Variants in HMGA2 observed in about 807,000 individuals in gnomAD.
HMGA2 encodes high mobility group AT-hook 2, also known as high mobility group protein HMGI-C.
In HMGA2, 8 loss-of-function variants were observed where a neutral mutation model predicts 19.1. The ratio of observed to expected loss-of-function variants is 0.42; its 90% CI spans 0.25 to 0.76. The LOEUF is 0.76. Among genes scored for constraint, HMGA2 ranks in the 30% least tolerant of loss-of-function variants. HMGA2 has a pLI of 0.28. For synonymous variants in HMGA2, 60 were observed against 48.8 expected, an observed-to-expected ratio of 1.23 and a Z score of -0.96; for missense variants, 109 against 136.3, an observed-to-expected ratio of 0.80 and a Z score of 1.00.
intron 3 of HMGA2, among the ~76,000 whole-genome samples, chr12:65,861,422 C>G (rs948873792): frequency 2.0e-5 from 3 of 152,090 alleles, no homozygotes; most frequent in African/African-American, 7.2e-5. Context: ...ACAATACATG[C>G]TATTGTATTG....
intron 3 of HMGA2, among the ~76,000 whole-genome samples, chr12:65,923,386 G>A (rs946966210): frequency 1.3e-5 from 2 of 152,186 alleles, no homozygotes; most frequent in Non-Finnish European, 2.9e-5. Flanking sequence ...GAATGAGGAA[G>A]TGGAATGTTT....
chr12:65,859,127 G>GA (rs1871908343), intron 3 of HMGA2: 1 of 152,228 alleles, frequency 6.6e-6, no homozygotes, highest in Admixed American at 6.5e-5. Flanking sequence ...GAAGAAATAG[G>GA]AATCAACCTA....
At chr12:65,937,446 T>C (rs926418985) in intron 3 of HMGA2, among the ~76,000 whole-genome samples, 2 of 152,216 alleles carry the variant, frequency 1.3e-5, no homozygotes, top group African/African-American at 2.4e-5. Flanking sequence ...AGAACTGCAG[T>C]TGACTCCCAT....
At chr12:65,864,845 T>A (rs1872305622) in intron 3 of HMGA2, among the ~76,000 whole-genome samples, 1 of 152,218 alleles carries the variant, frequency 6.6e-6, no homozygotes, top group South Asian at 2.1e-4. Flanking sequence ...CAGCTCTTTT[T>A]CATATTAGTG....
chr12:65,835,999 A>G (rs951450917), intron 2 of HMGA2, among the ~76,000 whole-genome samples: 1 of 152,230 alleles, frequency 6.6e-6, no homozygotes, highest in African/African-American at 2.4e-5. Context: ...CTCACTATGC[A>G]ATAGCCAAAG....
chr12:65,888,865 G>A (rs571287053), intron 3 of HMGA2, among the ~76,000 whole-genome samples: 153 of 151,928 alleles, frequency 1.0e-3, no homozygotes, highest in South Asian at 3.7e-3. Flanking sequence ...GCCCGGCCCC[G>A]TGGTGTGCTA....
At position 65,824,723 on chromosome 12, in the gene HMGA2, C is replaced by CTCTG. The variant is rs1337053126; in HGVS notation, c.-545_-544insGTCT. 65 of 128,126 alleles carry CTCTG rather than the reference C, an allele frequency of 5.1e-4. 1 individual carries two copies. The highest frequency in any genetic ancestry group is 2.2e-3 in the African/African-American group (59 of 26,228). The allele number at this position is 128,126 out of a possible 1,614,324, so 7.9% of individuals were successfully genotyped here. On this transcript the variant is annotated 5_prime_UTR_variant, in exon 1 of 5. Transcript: ENST00000403681. ...TTCAATCTCAATCTCTTCTCTCTCT[C>CTCTG]TCTCTCTCTCTCTCTCTCTCTCTCT... is the stretch of plus-strand genomic sequence containing the variant.
At chr12:65,926,028 C>A (rs937775503) in intron 3 of HMGA2, among the ~76,000 whole-genome samples, 57 of 152,308 alleles carry the variant, frequency 3.7e-4, no homozygotes, top group African/African-American at 1.3e-3. Context: ...ATATTACCAG[C>A]TCCCAGGGAT....
At chr12:65,942,797 T>C (rs1407472697) in intron 3 of HMGA2, 1 of 152,186 alleles carries the variant, frequency 6.6e-6, no homozygotes, top group Non-Finnish European at 1.5e-5. Flanking sequence ...AAACCACATC[T>C]TTTGCTTTCT....
intron 3 of HMGA2, chr12:65,948,295 C>A (rs923805567): frequency 2.6e-5 from 4 of 152,192 alleles, no homozygotes; most frequent in African/African-American, 9.7e-5. Context: ...TAATATGTAT[C>A]ATTGATGTTA....
chr12:65,950,201 C>T (rs1254426366), intron 3 of HMGA2, among the ~76,000 whole-genome samples: 1 of 152,188 alleles, frequency 6.6e-6, no homozygotes, highest in Non-Finnish European at 1.5e-5. Context: ...CGATTCCACT[C>T]CCAGGTACAT....
At chr12:65,960,169 G>A (rs371331151) in intron 4 of HMGA2, among the ~76,000 whole-genome samples, 6 of 152,184 alleles carry the variant, frequency 3.9e-5, no homozygotes, top group Non-Finnish European at 7.3e-5. Context: ...GATTACAGGC[G>A]TAAGCCACCA....
At chr12:65,833,349 G>T (rs1369308777) in intron 2 of HMGA2, among the ~76,000 whole-genome samples, 2 of 151,562 alleles carry the variant, frequency 1.3e-5, no homozygotes, top group African/African-American at 2.4e-5. Flanking sequence ...TGGATAGTGG[G>T]CTTCATGCAA....
chr12:65,831,893 A>T lies in HMGA2; in HGVS notation c.198+3806A>T, dbSNP rs141332255. On this transcript the variant is annotated intron_variant, in intron 2 of 4. Transcript: ENST00000403681. ...ATTAAAAGGAGAAACCAAAGACATT[A>T]TTATTGGTGAGTTAAGGAAAGGTAA... Among the ~76,000 whole-genome samples the T allele has an allele frequency of 7.5e-3, 1,139 of 152,060 alleles. 5 individuals are homozygous for T. The highest frequency in any genetic ancestry group is 0.014 in the Middle Eastern group (4 of 294).
chr12:65,841,683 A>G (rs1389566841), intron 3 of HMGA2, among the ~76,000 whole-genome samples: 1 of 152,206 alleles, frequency 6.6e-6, no homozygotes, highest in Non-Finnish European at 1.5e-5. Context: ...CATTAGGTAT[A>G]TGGGTTAGAA....
Position 65,825,202 on chromosome 12 carries a change from G to A in HMGA2, c.-69G>A, listed in dbSNP as rs1870085823. 6 of 1,370,462 alleles carry A rather than the reference G, an allele frequency of 4.4e-6. No homozygotes were observed. The highest frequency in any genetic ancestry group is 2.7e-5 in the East Asian group (1 of 36,572). 84.9% of individuals were successfully genotyped at this position (1,370,462 alleles called of 1,614,324 possible). Reference sequence around the variant, plus strand: ...AGCCCTATCACCTCATCTCCCGAAAGGTGCTGGGCAGCTCCGGGGCGGTCG... The same window carrying A: ...AGCCCTATCACCTCATCTCCCGAAAAGTGCTGGGCAGCTCCGGGGCGGTCG... On this transcript the variant is annotated 5_prime_UTR_variant, in exon 1 of 5. Coordinates refer to ENST00000403681, the MANE Select transcript of HMGA2 (RefSeq NM_003483.6). The surrounding 1 kb of genome is among the most constrained non-coding windows in gnomAD (Gnocchi z 4.4).
intron 3 of HMGA2, among the ~76,000 whole-genome samples, chr12:65,860,329 C>A (rs1871990123): frequency 6.6e-6 from 1 of 152,148 alleles, no homozygotes; most frequent in South Asian, 2.1e-4. Flanking sequence ...GAATACTGTA[C>A]TGAAAGTGAA....
At position 65,875,876 on chromosome 12, in the gene HMGA2, C is replaced by G. The variant is rs938534368; in HGVS notation, c.249+37307C>G. Reference sequence around the variant, plus strand: ...TTTTTCTTTGAATTATTTTTACTATCATTAGAGAATGTGCAAGGTTACTTA... The same window carrying G: ...TTTTTCTTTGAATTATTTTTACTATGATTAGAGAATGTGCAAGGTTACTTA... On this transcript the variant is annotated intron_variant, in intron 3 of 4. Transcript: ENST00000403681. Among the ~76,000 whole-genome samples the G allele has an allele frequency of 3.7e-4, 56 of 151,774 alleles. 2 individuals carry two copies. Among genetic ancestry groups the G allele is most frequent in the Non-Finnish European group, 5.9e-5 (4 of 67,954 alleles).
chr12:65,943,110 T>C (rs1876145498), intron 3 of HMGA2, among the ~76,000 whole-genome samples: 1 of 152,190 alleles, frequency 6.6e-6, no homozygotes, highest in East Asian at 1.9e-4. Context: ...TACTCTAATA[T>C]CTGTTTTTCA....
Sources: allele counts gnomAD v4.1 joint callset (sites outside exome capture counted in the v4.1 genomes callset), GRCh38; gene constraint gnomAD v4.1.1; non-coding constraint Gnocchi (gnomAD v3.1); transcripts MANE v1.5; gene names NCBI Gene and HGNC (gene_info 2026-07-23, HGNC 2026-07-21).